The following C8A variants were observed in gnomAD, a reference collection of about 807,000 sequenced individuals.
C8A encodes complement C8 alpha chain, also known as complement component C8 alpha chain.
A neutral mutation model predicts 65.3 loss-of-function variants in C8A; 67 were observed. The observed-to-expected ratio is 1.03, with a 90% CI of 0.84 to 1.26. C8A has a LOEUF of 1.26. C8A is among the 50% of genes most tolerant of loss of function. C8A has a pLI of 0.00. For synonymous variants in C8A, 290 were observed against 259.4 expected, an observed-to-expected ratio of 1.12 and a Z score of -1.13; for missense variants, 781 against 723.9, an observed-to-expected ratio of 1.08 and a Z score of -0.90.
intron 1 of C8A, among the ~76,000 whole-genome samples, chr1:56,860,986 T>C (rs968058438): frequency 1.3e-5 from 2 of 152,188 alleles, no homozygotes; most frequent in African/African-American, 4.8e-5. Flanking sequence ...TTTTGTGTTG[T>C]TATAAAGGAA....
chr1:56,901,172 G>A (rs575042943), intron 7 of C8A, among the ~76,000 whole-genome samples: 1 of 152,258 alleles, frequency 6.6e-6, no homozygotes, highest in South Asian at 2.1e-4. Context: ...CTTTTCCAAT[G>A]TGATGATAGA....
intron 1 of C8A, among the ~76,000 whole-genome samples, chr1:56,866,808 A>G (rs1040101816): frequency 6.6e-6 from 1 of 152,022 alleles, no homozygotes; most frequent in Admixed American, 6.6e-5. Context: ...GGTGAGGGGG[A>G]AGTATAGGGT....
intron 5 of C8A, among the ~76,000 whole-genome samples, chr1:56,883,188 A>T (rs189311609): frequency 6.6e-6 from 1 of 152,098 alleles, no homozygotes; most frequent in East Asian, 1.9e-4. Context: ...ATCCACGCTC[A>T]GAGCAATATA....
chr1:56,907,837 A>G, intron 8 of C8A, 119 bp from the exon 9 acceptor site: 1 of 1,178,384 alleles, frequency 8.5e-7, no homozygotes, highest in Non-Finnish European at 1.3e-6. Flanking sequence ...GAGAAGAAGA[A>G]TGGTAAACAT....
At chr1:56,907,890 G>A in intron 8 of C8A, 66 bp from the exon 9 acceptor site, 3 of 1,553,514 alleles carry the variant, frequency 1.9e-6, no homozygotes, top group South Asian at 2.2e-5. Context: ...TCATTAGTGG[G>A]GTTTGTCAAC....
intron 2 of C8A, among the ~76,000 whole-genome samples, chr1:56,872,416 T>A (rs988576397): frequency 3.3e-5 from 5 of 151,958 alleles, no homozygotes; most frequent in African/African-American, 1.2e-4. Context: ...TCAAATAACA[T>A]GTAACATTAG....
At chr1:56,910,126 G>A (rs970725316) in intron 9 of C8A, among the ~76,000 whole-genome samples, 24 of 152,314 alleles carry the variant, frequency 1.6e-4, no homozygotes, top group Admixed American at 6.5e-4. Context: ...GGAGCCTGAT[G>A]TTCAGAGTGG....
chr1:56,888,629 G>A (rs371150375), intron 7 of C8A, among the ~76,000 whole-genome samples: 269 of 152,068 alleles, frequency 1.8e-3, no homozygotes, highest in African/African-American at 6.1e-3. Flanking sequence ...TATTTGTATC[G>A]TGTCATGATG....
intron 10 of C8A, among the ~76,000 whole-genome samples, chr1:56,916,477 G>C (rs1644553727): frequency 6.6e-6 from 1 of 152,180 alleles, no homozygotes; most frequent in African/African-American, 2.4e-5. Flanking sequence ...GTGGGAGAAA[G>C]AGACAGAGAG....
At chr1:56,867,398 A>T (rs1250701871) in intron 1 of C8A, among the ~76,000 whole-genome samples, 1 of 152,158 alleles carries the variant, frequency 6.6e-6, no homozygotes, top group Non-Finnish European at 1.5e-5. Context: ...TGGGGGACTG[A>T]TATAGTATTA....
chr1:56,908,276 A>G (rs759493207), intron 9 of C8A, among the ~76,000 whole-genome samples, 163 bp downstream of exon 9: 2 of 152,202 alleles, frequency 1.3e-5, no homozygotes, highest in East Asian at 1.9e-4. Context: ...CAGGGAGTGC[A>G]TGACTTCAGA....
chr1:56,859,579 T>C (rs1428505394), intron 1 of C8A, among the ~76,000 whole-genome samples: 2 of 152,220 alleles, frequency 1.3e-5, no homozygotes, highest in African/African-American at 2.4e-5. Context: ...GAACTTAAAG[T>C]TCTGTATGGA....
chr1:56,896,334 T>A (rs11206932), intron 7 of C8A, among the ~76,000 whole-genome samples: 22,202 of 152,098 alleles, frequency 0.15, 1,973 homozygotes, highest in East Asian at 0.36. Flanking sequence ...GGCTGATGCT[T>A]TCGTTTCAGT....
At chr1:56,866,613 T>C (rs1644090758) in intron 1 of C8A, among the ~76,000 whole-genome samples, 1 of 152,242 alleles carries the variant, frequency 6.6e-6, no homozygotes, top group Admixed American at 6.5e-5. Context: ...AATCATGCCA[T>C]TCATCACAGC....
In C8A at chr1:56,917,831, G is replaced by A; in HGVS notation, c.*115G>A. On this transcript the variant is annotated 3_prime_UTR_variant, in exon 11 of 11. Transcript: ENST00000361249. ...TGCAAATCAGCACACTTTTTTCTTT[G>A]TTCTGCCAGCTTCCAGGCCTAAGAC... 1 of 1,313,926 alleles carries A rather than the reference G, an allele frequency of 7.6e-7. No homozygotes were observed. 81.4% of individuals were successfully genotyped at this position (1,313,926 alleles called of 1,614,324 possible). A position where few individuals can be genotyped will look rare whatever the true frequency, so the allele number is the denominator to read the frequency against.
intron 1 of C8A, among the ~76,000 whole-genome samples, chr1:56,866,385 G>T (rs1644088374): frequency 6.6e-6 from 1 of 152,134 alleles, no homozygotes; most frequent in African/African-American, 2.4e-5. Flanking sequence ...GGTAGATCTA[G>T]CCCACTTACC....
chr1:56,866,831 G>C (rs534707031), intron 1 of C8A, among the ~76,000 whole-genome samples: 1 of 152,170 alleles, frequency 6.6e-6, no homozygotes, highest in African/African-American at 2.4e-5. Context: ...GAGAAGGATC[G>C]TGGGCTTGGA....
At chr1:56,873,807 T>A (rs1241373399) in intron 2 of C8A, among the ~76,000 whole-genome samples, 1 of 152,148 alleles carries the variant, frequency 6.6e-6, no homozygotes, top group Non-Finnish European at 1.5e-5. Flanking sequence ...GCATGTTTTG[T>A]ATTATTACAC....
intron 10 of C8A, among the ~76,000 whole-genome samples, chr1:56,916,434 T>C (rs1454074771): frequency 6.6e-6 from 1 of 152,072 alleles, no homozygotes; most frequent in Non-Finnish European, 1.5e-5. Flanking sequence ...ATTTTCCCAG[T>C]AAACCTTTGC....
Sources: allele counts gnomAD v4.1 joint callset (sites outside exome capture counted in the v4.1 genomes callset), GRCh38; gene constraint gnomAD v4.1.1; transcripts MANE v1.5; gene names NCBI Gene and HGNC (gene_info 2026-07-23, HGNC 2026-07-21).